The following JAM2 variants were observed in gnomAD, a reference collection of about 807,000 sequenced individuals.
JAM2 encodes junctional adhesion molecule B.
JAM2 carries 17 observed loss-of-function variants against 42.0 expected under a neutral mutation model. The observed-to-expected ratio is 0.40, with a 90% CI of 0.28 to 0.61. The LOEUF (loss-of-function observed/expected upper bound fraction) is 0.61. Ranked by LOEUF, JAM2 falls within the 20% of genes least tolerant of loss-of-function variation. JAM2 has a pLI of 0.37. For missense variants in JAM2, 319 were observed against 358.3 expected (o/e 0.89, Z 0.89); for synonymous variants, 118 against 128.6 (o/e 0.92, Z 0.56).
intron 1 of JAM2, 65 bp downstream of exon 1, chr21:25,639,953 C>A (rs1040772809): frequency 2.8e-5 from 33 of 1,186,300 alleles, no homozygotes; most frequent in Non-Finnish European, 3.7e-5. Context: ...TCCAGCCCCC[C>A]ACGGGGCGCT....
At chr21:25,713,041 G>A (rs897076298) in intron 9 of JAM2, among the ~76,000 whole-genome samples, 2 of 152,158 alleles carry the variant, frequency 1.3e-5, no homozygotes, top group Admixed American at 6.5e-5. Context: ...TCACATAGTA[G>A]CAGGGGCAAA....
chr21:25,656,356 A>G (rs1325039552), intron 1 of JAM2, among the ~76,000 whole-genome samples: 2 of 152,186 alleles, frequency 1.3e-5, no homozygotes, highest in Admixed American at 1.3e-4. Context: ...GCACATTTCA[A>G]AATTGGCCGT....
chr21:25,672,484 T>G (rs1191724985), intron 1 of JAM2, among the ~76,000 whole-genome samples: 1 of 152,226 alleles, frequency 6.6e-6, no homozygotes, highest in Non-Finnish European at 1.5e-5. Flanking sequence ...ATCTTAAAAA[T>G]GATTTATTTG....
In JAM2 at chr21:25,639,505, TCTC is replaced by T. The variant is rs1212708233; in HGVS notation, c.-311_-309del. 2.1e-5 allele frequency: 6 copies of T among 284,916 alleles called. No individual in the cohort carries two copies. Among genetic ancestry groups the T allele is most frequent in the African/African-American group, 1.1e-4 (5 of 45,592 alleles). 17.6% of individuals were successfully genotyped at this position (284,916 alleles called of 1,614,324 possible). On this transcript the variant is annotated 5_prime_UTR_variant, in exon 1 of 10. Coordinates refer to ENST00000480456, the MANE Select transcript of JAM2 (RefSeq NM_021219.4). ...CCGCCGGGGCTTTCCCGGGCGCTGCTCTCCTCCTGCTGCCCCCTCGCTAGGACC... is the reference window on the plus strand; with the variant it reads ...CCGCCGGGGCTTTCCCGGGCGCTGCTCTCCTGCTGCCCCCTCGCTAGGACC...
intron 1 of JAM2, among the ~76,000 whole-genome samples, chr21:25,654,450 C>T (rs1368350879): frequency 6.6e-6 from 1 of 151,914 alleles, no homozygotes; most frequent in Non-Finnish European, 1.5e-5. Context: ...GGAGTTGAGA[C>T]CAGCCTGGCC....
intron 2 of JAM2, among the ~76,000 whole-genome samples, chr21:25,688,243 G>GGGGTGTGTGTGTGTGT (rs1555868472): frequency 6.7e-6 from 1 of 149,710 alleles, no homozygotes; most frequent in Admixed American, 6.7e-5. Context: ...CACCAGGAGG[G>GGGGTGTGTGTGTGTGT]GTGTGTGTGT....
intron 1 of JAM2, among the ~76,000 whole-genome samples, chr21:25,645,399 A>AT (rs2032579403): frequency 1.3e-5 from 2 of 152,196 alleles, no homozygotes; most frequent in African/African-American, 4.8e-5. Flanking sequence ...CACACTTAGT[A>AT]AACTGAAGAA....
chr21:25,705,482 C>T (rs2034252743), intron 6 of JAM2, among the ~76,000 whole-genome samples: 1 of 152,176 alleles, frequency 6.6e-6, no homozygotes, highest in Non-Finnish European at 1.5e-5. Context: ...AAGCAGTCCT[C>T]CCACCTCAGC....
chr21:25,642,884 A>G (rs1378826831), intron 1 of JAM2, among the ~76,000 whole-genome samples: 4 of 152,212 alleles, frequency 2.6e-5, no homozygotes, highest in Admixed American at 6.5e-5. Context: ...ACAGCTCTGG[A>G]GGCTGAGAAG....
intron 5 of JAM2, among the ~76,000 whole-genome samples, chr21:25,699,205 T>C (rs566903567): frequency 2.2e-3 from 338 of 152,366 alleles, no homozygotes; most frequent in Non-Finnish European, 4.4e-3. Flanking sequence ...TTGATAATCC[T>C]ATAAATGATA....
At chr21:25,674,809 T>C (rs1409813734) in intron 1 of JAM2, among the ~76,000 whole-genome samples, 1 of 151,692 alleles carries the variant, frequency 6.6e-6, no homozygotes, top group Non-Finnish European at 1.5e-5. Flanking sequence ...ATGAGATAGA[T>C]GACCATAATA....
intron 6 of JAM2, among the ~76,000 whole-genome samples, chr21:25,703,719 T>C (rs1345730834): frequency 6.6e-6 from 1 of 151,796 alleles, no homozygotes; most frequent in African/African-American, 2.4e-5. Flanking sequence ...TTAGTTCCTT[T>C]TCTTTCAGTA....
At chr21:25,705,858 G>A (rs889417265) in intron 6 of JAM2, 121 bp from the exon 7 acceptor site, 18 of 655,732 alleles carry the variant, frequency 2.7e-5, no homozygotes, top group African/African-American at 1.1e-4. Context: ...CTTCACAATC[G>A]TTAAAGTATG....
At chr21:25,674,198 A>C (rs2033429557) in intron 1 of JAM2, among the ~76,000 whole-genome samples, 1 of 152,162 alleles carries the variant, frequency 6.6e-6, no homozygotes, top group Non-Finnish European at 1.5e-5. Flanking sequence ...GTTCGAGACC[A>C]GCCTGGCCAA....
At chr21:25,670,984 A>G (rs537222888) in intron 1 of JAM2, among the ~76,000 whole-genome samples, 1 of 152,386 alleles carries the variant, frequency 6.6e-6, no homozygotes, top group Non-Finnish European at 1.5e-5. Context: ...AATAGAATTT[A>G]ATTAATAACA....
In JAM2 at chr21:25,639,459, G is replaced by A. The variant is rs917267935; in HGVS notation, c.-363G>A. On this transcript the variant is annotated 5_prime_UTR_variant, in exon 1 of 10. Transcript: ENST00000480456. Reference sequence around the variant, plus strand: ...GACACAAAGCCGATCAATCCCGGAGGCGTGGGGGCGGAGGGACGACCCGCC... The same window carrying A: ...GACACAAAGCCGATCAATCCCGGAGACGTGGGGGCGGAGGGACGACCCGCC... 2.0e-5 allele frequency: 4 copies of A among 203,762 alleles called. No homozygotes were observed. Among genetic ancestry groups the A allele is most frequent in the African/African-American group, 9.2e-5 (4 of 43,400 alleles). The allele number at this position is 203,762 out of a possible 1,614,324, so 12.6% of individuals were successfully genotyped here.
intron 6 of JAM2, among the ~76,000 whole-genome samples, chr21:25,704,151 C>G (rs1335056202): frequency 6.6e-6 from 1 of 151,718 alleles, no homozygotes; most frequent in East Asian, 1.9e-4. Flanking sequence ...AGAAGGTACA[C>G]TTTGGTTCTC....
chr21:25,674,453 G>A (rs1227619539), intron 1 of JAM2, among the ~76,000 whole-genome samples: 2 of 152,130 alleles, frequency 1.3e-5, no homozygotes, highest in Non-Finnish European at 2.9e-5. Flanking sequence ...TCAGCAGTGT[G>A]AGAACAGACT....
At position 25,689,931 on chromosome 21, in the gene JAM2, G is replaced by T. The variant is rs1310238762; in HGVS notation, c.199G>T (p.Gly67Cys). The change falls in exon 3 of 10, where the codon GGT becomes TGT. Residue 67 changes from glycine to cysteine, a missense_variant. Coordinates refer to ENST00000480456, the MANE Select transcript of JAM2 (RefSeq NM_021219.4). ...CTCCAGATTAGAGTGGAAGAAACTG[G>T]GTCGGAGTGTCTCCTTTGTCTACTA... ...VSSRLEWKKL[G>C]RSVSFVYYQQ... 1 of 1,613,800 alleles carries T rather than the reference G, an allele frequency of 6.2e-7. No individual in the cohort carries two copies. The highest frequency in any genetic ancestry group is 1.7e-5 in the Admixed American group (1 of 60,022).
Sources: gnomAD v4.1 joint callset for allele counts (sites outside exome capture counted in the v4.1 genomes callset) on GRCh38, gnomAD v4.1.1 for gene constraint, MANE v1.5 for transcripts, NCBI Gene and HGNC (gene_info 2026-07-23, HGNC 2026-07-21) for gene names.